The following MTRR variants were observed in gnomAD, a reference collection of about 807,000 sequenced individuals.
MTRR encodes methionine synthase reductase.
MTRR carries 63 observed loss-of-function variants against 79.2 expected under a neutral mutation model. That is an observed-to-expected ratio of 0.80 (90% CI 0.65 to 0.98). MTRR has a LOEUF of 0.98. MTRR is among the 50% of genes least tolerant of loss of function. The pLI is 0.00. For synonymous variants in MTRR, 355 were observed against 313.3 expected, an observed-to-expected ratio of 1.13 and a Z score of -1.41; for missense variants, 895 against 839.6, an observed-to-expected ratio of 1.07 and a Z score of -0.82.
intron 1 of MTRR, among the ~76,000 whole-genome samples, chr5:7,859,966 A>G (rs1381208731): frequency 6.6e-6 from 1 of 152,154 alleles, no homozygotes; most frequent in African/African-American, 2.4e-5. Context: ...AGGACGCAGC[A>G]GGGACAAAGA....
upstream of MTRR, among the ~76,000 whole-genome samples, chr5:7,868,375 AT>A (rs35116915): frequency 0.015 from 2,271 of 152,266 alleles, 29 homozygotes; most frequent in Non-Finnish European, 0.024. Flanking sequence ...TTTTACTATC[AT>A]TTTACACGAG....
chr5:7,896,847 T>A lies in MTRR; in HGVS notation c.1677-17T>A. On this transcript the variant is annotated splice_polypyrimidine_tract_variant and intron_variant, in intron 12 of 14. Coordinates refer to ENST00000440940, the MANE Select transcript of MTRR (RefSeq NM_002454.3). Reference sequence around the variant, plus strand: ...TTCTTTATATCACACACCTAAACTTTTTTTTTTTCCACTTAGAGAGAAACT... The same window carrying A: ...TTCTTTATATCACACACCTAAACTTATTTTTTTTCCACTTAGAGAGAAACT... 1 of 1,609,956 alleles carries A rather than the reference T, an allele frequency of 6.2e-7. No homozygotes were observed. Among genetic ancestry groups the A allele is most frequent in the Non-Finnish European group, 8.5e-7 (1 of 1,176,416 alleles).
At chr5:7,859,434 T>C (rs1044827104) in intron 1 of MTRR, 2 of 1,572,052 alleles carry the variant, frequency 1.3e-6, no homozygotes, top group African/African-American at 2.7e-5. Flanking sequence ...GAAGTCAGTA[T>C]TCATTCTTGC....
chr5:7,862,819 T>C, intron 2 of MTRR: 1 of 1,605,526 alleles, frequency 6.2e-7, no homozygotes, highest in Non-Finnish European at 8.5e-7. Context: ...CTTATACTAC[T>C]TACCTATTGT....
intron 1 of MTRR, among the ~76,000 whole-genome samples, chr5:7,857,178 T>C (rs550028897): frequency 2.0e-5 from 3 of 152,286 alleles, no homozygotes; most frequent in Admixed American, 6.5e-5. Context: ...TGAAAACAAA[T>C]ATAGAAAGGT....
chr5:7,878,356 T>G, intron 5 of MTRR, 34 bp downstream of exon 5: 1 of 1,610,036 alleles, frequency 6.2e-7, no homozygotes, highest in Non-Finnish European at 8.5e-7. Flanking sequence ...ATAGATGCTA[T>G]TTAATCATGG....
In MTRR at chr5:7,899,938, T is replaced by G. The variant is rs751318676; in HGVS notation, c.1977T>G (p.Asp659Glu). Reference sequence around the variant, plus strand: ...GAGATGCAAAGAATATGGCCAAGGATGTACATGATGCCCTTGTGCAAATAA... The same window carrying G: ...GAGATGCAAAGAATATGGCCAAGGAGGTACATGATGCCCTTGTGCAAATAA... ...VCGDAKNMAK[D>E]VHDALVQIIS... The change falls in exon 15 of 15, where the codon GAT (aspartate) becomes GAG (glutamate). Residue 659 changes from aspartate (D) to glutamate (E), a missense_variant. Asp to Glu is a conservative substitution (Grantham distance 45, BLOSUM62 2). Transcript: ENST00000440940. The G allele has an allele frequency of 1.2e-6, 2 of 1,614,158 alleles. No individual in the cohort carries two copies. Among genetic ancestry groups the G allele is most frequent in the African/African-American group, 1.3e-5 (1 of 75,040 alleles).
chr5:7,875,746 A>G (rs557832549), intron 4 of MTRR, among the ~76,000 whole-genome samples: 5 of 152,280 alleles, frequency 3.3e-5, no homozygotes, highest in African/African-American at 1.2e-4. Flanking sequence ...GGCTCTTTAC[A>G]TGGAGGGAGC....
At chr5:7,866,576 A>G (rs1264025579), upstream of MTRR, 1 of 1,163,620 alleles carries the variant, frequency 8.6e-7, no homozygotes, top group East Asian at 2.3e-5. Flanking sequence ...TTGCCTTTAT[A>G]TGTGACTTGA....
rs765680847 is a variant in MTRR at position 7,896,971 on chromosome 5, C to G, written c.1769+15C>G. ...TATCTATTCAGGTATTGTACAATTCCAGTATTGTACTCAACCACTGAGTGT... is the reference window on the plus strand; with the variant it reads ...TATCTATTCAGGTATTGTACAATTCGAGTATTGTACTCAACCACTGAGTGT... On this transcript the variant is annotated intron_variant, in intron 13 of 14. Transcript: ENST00000440940. The G allele has an allele frequency of 1.9e-6, 3 of 1,609,576 alleles. No homozygotes were observed. In the Admixed American group the frequency reaches 5.0e-5, roughly 27 times the overall value.
chr5:7,897,290 A>T, intron 14 of MTRR, 43 bp downstream of exon 14: 2 of 1,592,764 alleles, frequency 1.3e-6, no homozygotes, highest in Non-Finnish European at 1.7e-6. Flanking sequence ...GAGGGCCATC[A>T]GTGATGTCTG....
intron 6 of MTRR, 130 bp downstream of exon 6, chr5:7,883,407 G>A (rs986640154): frequency 4.9e-6 from 6 of 1,214,778 alleles, no homozygotes; most frequent in Non-Finnish European, 1.2e-6. Context: ...GTGCGGCTTG[G>A]TTACATGTGC....
At chr5:7,852,877 A>G (rs1400254159) in intron 1 of MTRR, among the ~76,000 whole-genome samples, 2 of 152,208 alleles carry the variant, frequency 1.3e-5, no homozygotes, top group African/African-American at 4.8e-5. Flanking sequence ...TACTTTGGAA[A>G]GTGAAAGTAC....
intron 14 of MTRR, 46 bp from the exon 15 acceptor site, chr5:7,899,868 A>C (rs534479950): frequency 6.2e-6 from 10 of 1,611,630 alleles, no homozygotes; most frequent in East Asian, 4.5e-5. Context: ...AGGATTTACT[A>C]AAAATGCCTG....
intron 11 of MTRR, chr5:7,893,672 T>A (rs892273721): frequency 6.6e-6 from 1 of 152,080 alleles, no homozygotes; most frequent in Non-Finnish European, 1.5e-5. Context: ...TCTTTCTTCA[T>A]AGTAATGAAG....
Position 7,882,477 on chromosome 5 carries a change from C to T in MTRR, c.781-678C>T, listed in dbSNP as rs371567114. 3.9e-5 allele frequency among the ~76,000 whole-genome samples: 6 copies of T among 152,116 alleles called. No homozygotes were observed. The East Asian group carries it at 7.7e-4, about 20-fold the overall frequency. ...AGAACTGACCTTCATCCCAGCTTTCCCATATAGCCACTTATCCACAGTTAA... is the reference window on the plus strand; with the variant it reads ...AGAACTGACCTTCATCCCAGCTTTCTCATATAGCCACTTATCCACAGTTAA... On this transcript the variant is annotated intron_variant, in intron 5 of 14. Transcript: ENST00000440940.
At chr5:7,858,190 A>G (rs909882025) in intron 1 of MTRR, among the ~76,000 whole-genome samples, 17 of 152,294 alleles carry the variant, frequency 1.1e-4, no homozygotes, top group African/African-American at 3.4e-4. Context: ...AAAGGCAGAA[A>G]AAGACACAGG....
At chr5:7,866,719 A>G (rs749590358), upstream of MTRR, 3 of 1,613,458 alleles carry the variant, frequency 1.9e-6, no homozygotes, top group Admixed American at 5.0e-5. Context: ...CATTAAGTGA[A>G]CATGAATGAA....
At chr5:7,851,135 T>C, upstream of MTRR, 1 of 1,194,678 alleles carries the variant, frequency 8.4e-7, no homozygotes, top group Non-Finnish European at 1.0e-6. Context: ...CCCGCGTCTG[T>C]GTTCGGTCGT....
Sources: allele counts gnomAD v4.1 joint callset (sites outside exome capture counted in the v4.1 genomes callset), GRCh38; gene constraint gnomAD v4.1.1; transcripts MANE v1.5; gene names NCBI Gene and HGNC (gene_info 2026-07-23, HGNC 2026-07-21).